LHFPL6: variants seen among roughly 807,000 people sequenced by gnomAD.
LHFPL6 encodes LHFPL tetraspan subfamily member 6 protein.
Under a neutral mutation model 20.6 loss-of-function variants are expected in LHFPL6, and 9 were observed. The observed-to-expected ratio is 0.44, with a 90% CI of 0.26 to 0.76. The LOEUF (loss-of-function observed/expected upper bound fraction) is 0.76, where lower values mean the gene tolerates loss of function less well. LHFPL6 is among the 30% of genes least tolerant of loss of function. The pLI is 0.20. For synonymous variants in LHFPL6, 105 were observed against 98.7 expected (o/e 1.06, Z -0.38); for missense variants, 218 against 253.5 (o/e 0.86, Z 0.95).
intron 2 of LHFPL6, among the ~76,000 whole-genome samples, chr13:39,424,709 A>C (rs1404354887): frequency 6.6e-6 from 1 of 152,180 alleles, no homozygotes; most frequent in Non-Finnish European, 1.5e-5. Flanking sequence ...TACTGGTATA[A>C]TTTCAGAGAT....
chr13:39,599,631 T>A (rs1015583784), intron 2 of LHFPL6, among the ~76,000 whole-genome samples: 1 of 152,228 alleles, frequency 6.6e-6, no homozygotes, highest in Admixed American at 6.5e-5. Flanking sequence ...GACAATTCTA[T>A]CTCACTTTAA....
intron 2 of LHFPL6, among the ~76,000 whole-genome samples, chr13:39,584,543 A>C (rs1183457437): frequency 2.0e-5 from 3 of 151,516 alleles, no homozygotes; most frequent in South Asian, 4.2e-4. Flanking sequence ...AAAAAAAAAA[A>C]ACCATTAATT....
At chr13:39,435,415 T>C (rs1277201558) in intron 2 of LHFPL6, among the ~76,000 whole-genome samples, 2 of 152,238 alleles carry the variant, frequency 1.3e-5, no homozygotes, top group Non-Finnish European at 2.9e-5. Flanking sequence ...CACAGTATGC[T>C]TGGCAGCTTC....
intron 2 of LHFPL6, among the ~76,000 whole-genome samples, chr13:39,412,314 T>C (rs1253632536): frequency 1.3e-5 from 2 of 152,338 alleles, no homozygotes; most frequent in South Asian, 2.1e-4. Context: ...AAAAATTGTA[T>C]TGGGGAATTA....
At chr13:39,594,860 C>A (rs748578760) in intron 2 of LHFPL6, among the ~76,000 whole-genome samples, 1 of 152,184 alleles carries the variant, frequency 6.6e-6, no homozygotes. Flanking sequence ...AGCAAACGAT[C>A]GCAAGGACAA....
At chr13:39,490,099 A>C (rs200682367) in intron 2 of LHFPL6, among the ~76,000 whole-genome samples, 308 of 116,614 alleles carry the variant, frequency 2.6e-3, no homozygotes, top group South Asian at 7.1e-3. Context: ...AACAAACAAA[A>C]AAAAAAACAG....
intron 2 of LHFPL6, among the ~76,000 whole-genome samples, chr13:39,412,342 C>T (rs533631889): frequency 3.4e-4 from 52 of 152,174 alleles, no homozygotes; most frequent in African/African-American, 1.2e-3. Flanking sequence ...GAAATTTTAC[C>T]AAGCAATTTT....
chr13:39,476,111 T>TG (rs1873079009), intron 2 of LHFPL6, among the ~76,000 whole-genome samples: 1 of 152,226 alleles, frequency 6.6e-6, no homozygotes, highest in Admixed American at 6.5e-5. Context: ...AACACATGAT[T>TG]AATATTGTAC....
intron 2 of LHFPL6, among the ~76,000 whole-genome samples, chr13:39,470,491 C>CA (rs1170864488): frequency 2.0e-5 from 3 of 151,878 alleles, no homozygotes; most frequent in African/African-American, 7.3e-5. Flanking sequence ...TAAACACAGA[C>CA]AAAAAATTTA....
At chr13:39,463,917 C>A (rs1872741803) in intron 2 of LHFPL6, among the ~76,000 whole-genome samples, 1 of 152,158 alleles carries the variant, frequency 6.6e-6, no homozygotes. Context: ...GCAAATTGAG[C>A]AAACCTAACA....
chr13:39,429,559 C>G (rs1449533407), intron 2 of LHFPL6, among the ~76,000 whole-genome samples: 1 of 152,106 alleles, frequency 6.6e-6, no homozygotes, highest in South Asian at 2.1e-4. Context: ...TACAATCTGA[C>G]AATCTTTGCC....
intron 2 of LHFPL6, among the ~76,000 whole-genome samples, chr13:39,591,123 A>T (rs751005536): frequency 6.6e-6 from 1 of 152,252 alleles, no homozygotes; most frequent in African/African-American, 2.4e-5. Flanking sequence ...ACTTACTATG[A>T]TTATTATTTT....
Position 39,588,033 on chromosome 13 carries a change from C to G in LHFPL6, c.385+12799G>C, listed in dbSNP as rs565225625. Among the ~76,000 whole-genome samples, 8 of 152,182 alleles carry G rather than the reference C, an allele frequency of 5.3e-5. No homozygotes were observed. In the East Asian group the frequency reaches 1.2e-3, roughly 22 times the overall value. The stretch of plus-strand genomic sequence containing the variant: ...ATCCAGATGCCAGATGCTAAGTCTT[C>G]CAGGAAACGTAGTCCTTGTGATTTA... On this transcript the variant is annotated intron_variant, in intron 2 of 3. Coordinates refer to ENST00000379589, the MANE Select transcript of LHFPL6 (RefSeq NM_005780.3).
At chr13:39,345,512 CAAAAAAAAAAAAA>C (rs71077225) in intron 3 of LHFPL6, among the ~76,000 whole-genome samples, 8 of 43,458 alleles carry the variant, frequency 1.8e-4, no homozygotes, top group Admixed American at 2.5e-4. Context: ...GACTCCATCT[CAAAAAAAAAAAAA>C]AAAAAAAAAA....
intron 2 of LHFPL6, among the ~76,000 whole-genome samples, chr13:39,485,481 A>T (rs1335794279): frequency 6.6e-6 from 1 of 152,226 alleles, no homozygotes; most frequent in Non-Finnish European, 1.5e-5. Context: ...GGAAAGAAAT[A>T]GAAGGAAGAT....
At chr13:39,570,435 C>T (rs909998502) in intron 2 of LHFPL6, among the ~76,000 whole-genome samples, 2 of 152,020 alleles carry the variant, frequency 1.3e-5, no homozygotes, top group African/African-American at 2.4e-5. Flanking sequence ...TAAGCCACCA[C>T]GCCTGGCTAA....
chr13:39,571,864 T>C (rs990652442), intron 2 of LHFPL6, among the ~76,000 whole-genome samples: 8 of 152,348 alleles, frequency 5.3e-5, no homozygotes, highest in African/African-American at 1.7e-4. Flanking sequence ...GGGCCCTGCA[T>C]GGAGCTTGCT....
At chr13:39,434,822 C>T (rs1207017708) in intron 2 of LHFPL6, among the ~76,000 whole-genome samples, 1 of 151,608 alleles carries the variant, frequency 6.6e-6, no homozygotes, top group African/African-American at 2.4e-5. Flanking sequence ...TTTGGGAGGC[C>T]GAGGCGGGTG....
intron 2 of LHFPL6, among the ~76,000 whole-genome samples, chr13:39,512,466 G>A (rs1869747062): frequency 6.6e-6 from 1 of 152,046 alleles, no homozygotes; most frequent in Non-Finnish European, 1.5e-5. Flanking sequence ...GCCGGGCATG[G>A]TGGCGGGCCC....
Sources: allele counts gnomAD v4.1 joint callset (sites outside exome capture counted in the v4.1 genomes callset), GRCh38; gene constraint gnomAD v4.1.1; transcripts MANE v1.5; gene names NCBI Gene and HGNC (gene_info 2026-07-23, HGNC 2026-07-21).